The following CUL4A variants were observed in gnomAD, a reference collection of about 807,000 sequenced individuals.
CUL4A encodes cullin-4A.
CUL4A carries 16 observed loss-of-function variants against 95.5 expected under a neutral mutation model. The observed-to-expected ratio is 0.17, with a 90% CI of 0.11 to 0.25. The LOEUF is 0.25. Among genes scored for constraint, CUL4A ranks in the 10% least tolerant of loss-of-function variants. The pLI is 1.00. For missense variants in CUL4A, 610 were observed against 937.0 expected, an observed-to-expected ratio of 0.65 and a Z score of 4.56; for synonymous variants, 380 against 353.1, an observed-to-expected ratio of 1.08 and a Z score of -0.85.
intron 2 of CUL4A, among the ~76,000 whole-genome samples, chr13:113,211,420 T>G (rs1429028593): frequency 6.6e-6 from 1 of 152,238 alleles, no homozygotes; most frequent in Non-Finnish European, 1.5e-5. Flanking sequence ...GTTTCACTCT[T>G]GTGGCCCAGG....
intron 15 of CUL4A, among the ~76,000 whole-genome samples, chr13:113,252,178 T>C (rs997853456): frequency 6.6e-6 from 1 of 152,184 alleles, no homozygotes; most frequent in African/African-American, 2.4e-5. Context: ...GAAAGGCTGG[T>C]GCACTGAACG....
intron 1 of CUL4A, 40 bp from the exon 2 acceptor site, chr13:113,209,933 C>T (rs765258686): frequency 1.1e-5 from 15 of 1,427,780 alleles, no homozygotes; most frequent in South Asian, 5.5e-5. Flanking sequence ...GGGCGCTTCG[C>T]GGCGCGCCCT....
chr13:113,239,402 G>A, intron 9 of CUL4A, 31 bp from the exon 10 acceptor site: 1 of 1,565,206 alleles, frequency 6.4e-7, no homozygotes, highest in Non-Finnish European at 8.8e-7. Flanking sequence ...TGCCCATGCT[G>A]TACTCTGCTG....
upstream of CUL4A, chr13:113,208,194 T>C: frequency 6.4e-7 from 1 of 1,561,458 alleles, no homozygotes; most frequent in Non-Finnish European, 8.7e-7. Flanking sequence ...AGTCCCCGAA[T>C]TCATCCCGCA....
At chr13:113,221,995 A>G (rs909623881) in intron 3 of CUL4A, among the ~76,000 whole-genome samples, 3 of 152,142 alleles carry the variant, frequency 2.0e-5, no homozygotes, top group South Asian at 4.1e-4. Flanking sequence ...GTCCTAAAGG[A>G]TGGATGAGGA....
rs764796234 is a variant in CUL4A, at chr13:113,260,570, A to G, written c.2032-37A>G. 12 of 1,563,128 alleles carry G rather than the reference A, an allele frequency of 7.7e-6. No individual in the cohort carries two copies. In the African/African-American group the frequency reaches 1.4e-4, roughly 18 times the overall value. ...ATCGCAAAAAATAAAAAGAAAATAC[A>G]GTTTTACACTTAACTTTTTTTTTCT... On this transcript the variant is annotated intron_variant, in intron 18 of 19. Transcript: ENST00000375440.
intron 18 of CUL4A, among the ~76,000 whole-genome samples, chr13:113,257,115 G>C (rs1309457923): frequency 6.6e-6 from 1 of 151,746 alleles, no homozygotes. Flanking sequence ...AGTAGAGACG[G>C]GGTTTCACCA....
upstream of CUL4A, chr13:113,208,307 C>G: frequency 7.0e-7 from 1 of 1,431,588 alleles, no homozygotes; most frequent in South Asian, 1.5e-5. Flanking sequence ...GCCACACGTG[C>G]CAGCAAGTGA....
chr13:113,246,468 C>T (rs9603814), intron 15 of CUL4A, among the ~76,000 whole-genome samples: 100,414 of 152,014 alleles, frequency 0.66, 34,211 homozygotes, highest in Middle Eastern at 0.78. Flanking sequence ...AGGGTTTGCA[C>T]GCCGGAGGTA....
Position 113,228,082 on chromosome 13 carries a change from A to G in CUL4A, c.438+37A>G. On this transcript the variant is annotated intron_variant, in intron 4 of 19. Transcript: ENST00000375440. Reference sequence around the variant, plus strand: ...CACTTTTTCATCAAAACACGACCTCATCCATCTTCCCTCACCCACATGATT... The same window carrying G: ...CACTTTTTCATCAAAACACGACCTCGTCCATCTTCCCTCACCCACATGATT... The G allele has an allele frequency of 2.7e-6, 4 of 1,471,838 alleles. No homozygotes were observed. The Admixed American group carries it at 5.0e-5, about 18-fold the overall frequency. The allele number at this position is 1,471,838 out of a possible 1,614,324, so 91.2% of individuals were successfully genotyped here. A position where few individuals can be genotyped will look rare whatever the true frequency, so the allele number is the denominator to read the frequency against.
chr13:113,224,366 T>G (rs972889197), intron 3 of CUL4A, among the ~76,000 whole-genome samples: 1 of 149,922 alleles, frequency 6.7e-6, no homozygotes, highest in Non-Finnish European at 1.5e-5. Context: ...AAAAAAAAAA[T>G]GTCAAGCCAA....
At chr13:113,208,530 G>A (rs1595312111), upstream of CUL4A, 3 of 1,577,228 alleles carry the variant, frequency 1.9e-6, no homozygotes, top group East Asian at 4.7e-5. Context: ...AGGGTCCAAG[G>A]CAGGAGGGGA....
chr13:113,229,106 G>A (rs1387037992), intron 4 of CUL4A, among the ~76,000 whole-genome samples: 1 of 152,144 alleles, frequency 6.6e-6, no homozygotes, highest in African/African-American at 2.4e-5. Context: ...GCGACAGAGC[G>A]AGACTCCGTC....
At position 113,229,883 on chromosome 13, in the gene CUL4A, C is replaced by T. The variant is rs867763567; in HGVS notation, c.512+364C>T. On this transcript the variant is annotated intron_variant, in intron 5 of 19. Transcript: ENST00000375440. ...GCCTGCTGCCCGTGGGGTCGCAGCC[C>T]TGAGGCTGTGCGTCCCCTGTGGAAT... 43 of 458,006 alleles carry T rather than the reference C, an allele frequency of 9.4e-5. No homozygotes were observed. In the Middle Eastern group the frequency reaches 3.8e-3, roughly 40 times the overall value. 28.4% of individuals were successfully genotyped at this position (458,006 alleles called of 1,614,324 possible).
intron 8 of CUL4A, among the ~76,000 whole-genome samples, chr13:113,236,153 CA>C (rs2041537022): frequency 6.6e-6 from 1 of 152,064 alleles, no homozygotes; most frequent in Non-Finnish European, 1.5e-5. Flanking sequence ...AGGATTCTGA[CA>C]GAATCCAGCA....
chr13:113,254,026 T>G (rs1358698808), intron 16 of CUL4A, among the ~76,000 whole-genome samples: 1 of 152,170 alleles, frequency 6.6e-6, no homozygotes, highest in East Asian at 1.9e-4. Context: ...TATCCCCAGT[T>G]TTTTACCTAC....
Position 113,209,752 on chromosome 13 carries a change from A to G in CUL4A, c.125A>G (p.Lys42Arg). ...AKPGGAGGSK[K>R]LVIKNFRDRP... The stretch of plus-strand genomic sequence containing the variant: ...CCGGGGGGCGCGGGCGGCTCCAAGA[A>G]GCTGGTCATCAAGAACTTCCGAGGT... Residue 42 changes from lysine (K) to arginine (R), a missense_variant, in exon 1 of 20, where the codon AAG (lysine) becomes AGG (arginine). Physicochemically the swap from Lys to Arg is conservative, Grantham distance 26. Coordinates refer to ENST00000375440, the MANE Select transcript of CUL4A (RefSeq NM_001008895.4). The G allele has an allele frequency of 8.5e-7, 1 of 1,172,192 alleles. No homozygotes were observed. The highest frequency in any genetic ancestry group is 1.1e-6 in the Non-Finnish European group (1 of 949,796). The allele number at this position is 1,172,192 out of a possible 1,614,324, so 72.6% of individuals were successfully genotyped here.
chr13:113,241,662 C>T (rs1396363795), intron 10 of CUL4A, among the ~76,000 whole-genome samples: 12 of 152,046 alleles, frequency 7.9e-5, no homozygotes, highest in Admixed American at 2.0e-4. Context: ...TACAGGCTCC[C>T]GCCACCACAC....
chr13:113,217,259 GGTT>G (rs927536561), intron 2 of CUL4A, among the ~76,000 whole-genome samples: 1 of 152,122 alleles, frequency 6.6e-6, no homozygotes. Flanking sequence ...AAGTTCTCTT[GGTT>G]GTTTGAGGAG....
Sources: gnomAD v4.1 joint callset for allele counts (sites outside exome capture counted in the v4.1 genomes callset) on GRCh38, gnomAD v4.1.1 for gene constraint, MANE v1.5 for transcripts, NCBI Gene and HGNC (gene_info 2026-07-23, HGNC 2026-07-21) for gene names.